Variants in SPIDR observed in about 807,000 individuals in gnomAD.
The protein encoded by SPIDR is scaffold protein involved in DNA repair, also known as DNA repair-scaffolding protein.
In SPIDR, 93 loss-of-function variants were observed where a neutral mutation model predicts 104.6. That is an observed-to-expected ratio of 0.89 (90% CI 0.75 to 1.06). The LOEUF (loss-of-function observed/expected upper bound fraction) is 1.06, where lower values mean the gene tolerates loss of function less well. Among genes scored for constraint, SPIDR ranks in the 50% least tolerant of loss-of-function variants. SPIDR has a pLI of 0.00. For missense variants in SPIDR, 1,154 were observed against 1,111.2 expected, an observed-to-expected ratio of 1.04 and a Z score of -0.55; for synonymous variants, 431 against 416.9, an observed-to-expected ratio of 1.03 and a Z score of -0.41.
intron 4 of SPIDR, among the ~76,000 whole-genome samples, chr8:47,292,104 A>G (rs1231946864): frequency 6.6e-6 from 1 of 152,220 alleles, no homozygotes; most frequent in African/African-American, 2.4e-5. Flanking sequence ...CCTAGTTGAT[A>G]ACCACAGATG....
At chr8:47,667,487 C>T (rs563558008) in intron 10 of SPIDR, among the ~76,000 whole-genome samples, 1 of 148,928 alleles carries the variant, frequency 6.7e-6, no homozygotes, top group African/African-American at 2.5e-5. Flanking sequence ...TGGCATGTGC[C>T]TGTAGTCCTA....
intron 2 of SPIDR, among the ~76,000 whole-genome samples, chr8:47,280,922 AG>A (rs1424579079): frequency 2.6e-5 from 4 of 152,214 alleles, no homozygotes; most frequent in African/African-American, 9.6e-5. Context: ...TGTTCTCAGA[AG>A]ATGAAACCAT....
intron 9 of SPIDR, among the ~76,000 whole-genome samples, chr8:47,598,319 T>G (rs533526135): frequency 4.9e-4 from 75 of 152,196 alleles, no homozygotes; most frequent in Non-Finnish European, 8.4e-4. Flanking sequence ...ATGTCTCAGT[T>G]TTCTTATCTG....
chr8:47,262,991 CT>C (rs2154209100), intron 1 of SPIDR, among the ~76,000 whole-genome samples: 1 of 152,272 alleles, frequency 6.6e-6, no homozygotes, highest in Admixed American at 6.5e-5. Context: ...TCATAATTTA[CT>C]GCAGAACTTA....
At chr8:47,446,003 G>A (rs1403409396) in intron 8 of SPIDR, among the ~76,000 whole-genome samples, 14 of 152,344 alleles carry the variant, frequency 9.2e-5, no homozygotes, top group Admixed American at 7.8e-4. Flanking sequence ...TGCTGACAGA[G>A]AAACTGCAGC....
intron 1 of SPIDR, among the ~76,000 whole-genome samples, chr8:47,277,669 CTTTTTTT>C (rs1209041690): frequency 1.8e-5 from 2 of 110,506 alleles, no homozygotes; most frequent in African/African-American, 7.0e-5. Flanking sequence ...TGTTTAACCT[CTTTTTTT>C]TTTTTTTTTT....
At chr8:47,284,516 C>T (rs2038432855) in intron 3 of SPIDR, among the ~76,000 whole-genome samples, 1 of 152,120 alleles carries the variant, frequency 6.6e-6, no homozygotes, top group South Asian at 2.1e-4. Flanking sequence ...AGGGAACTTT[C>T]AATAAGTAGT....
chr8:47,405,320 G>T (rs1032470867), intron 6 of SPIDR, among the ~76,000 whole-genome samples: 1 of 151,188 alleles, frequency 6.6e-6, no homozygotes, highest in Non-Finnish European at 1.5e-5. Flanking sequence ...GTGTGTGTGT[G>T]TGTATATATG....
In SPIDR at chr8:47,672,849, CT is replaced by C. The variant is rs1245022436; in HGVS notation, c.1545-945del. ...TGAACTAGCAATCCAAGTAAAGGTGCTTTTTTTCAGACAGGATATATTTCTG... is the reference window on the plus strand; with the variant it reads ...TGAACTAGCAATCCAAGTAAAGGTGCTTTTTTCAGACAGGATATATTTCTG... On this transcript the variant is annotated intron_variant, in intron 10 of 19. Transcript: ENST00000297423. Among the ~76,000 whole-genome samples the C allele has an allele frequency of 2.0e-5, 3 of 152,132 alleles. No homozygotes were observed. The South Asian group carries it at 6.2e-4, about 32-fold the overall frequency.
At chr8:47,337,641 A>G (rs1342984426) in intron 5 of SPIDR, among the ~76,000 whole-genome samples, 7 of 149,100 alleles carry the variant, frequency 4.7e-5, no homozygotes, top group Non-Finnish European at 8.9e-5. Flanking sequence ...GTAAGAAACC[A>G]TTGTTTAAAA....
chr8:47,492,725 G>A (rs777412662), intron 8 of SPIDR, among the ~76,000 whole-genome samples: 30 of 152,088 alleles, frequency 2.0e-4, no homozygotes, highest in Non-Finnish European at 3.7e-4. Flanking sequence ...ACGTCTGGCC[G>A]TATTGCTCGT....
At chr8:47,631,752 A>G (rs1486973784) in intron 10 of SPIDR, among the ~76,000 whole-genome samples, 1 of 152,256 alleles carries the variant, frequency 6.6e-6, no homozygotes, top group East Asian at 1.9e-4. Flanking sequence ...AGTGAAATAC[A>G]GCTCCTTAAT....
chr8:47,309,558 G>C (rs1424206794), intron 5 of SPIDR, among the ~76,000 whole-genome samples: 7 of 152,174 alleles, frequency 4.6e-5, no homozygotes, highest in African/African-American at 1.7e-4. Flanking sequence ...GAGTTTGTCA[G>C]ATTGTTCCTT....
intron 5 of SPIDR, among the ~76,000 whole-genome samples, chr8:47,372,433 T>C (rs2058145621): frequency 6.6e-6 from 1 of 152,144 alleles, no homozygotes; most frequent in South Asian, 2.1e-4. Context: ...GAGACCAGCC[T>C]GACCAACATG....
At position 47,685,517 on chromosome 8, in the gene SPIDR, A is replaced by ATTTTATTT. The variant is rs1554577045; in HGVS notation, c.1685+11580_1685+11581insATTTTTTT. Among the ~76,000 whole-genome samples the ATTTTATTT allele has an allele frequency of 2.3e-5, 3 of 130,098 alleles. No homozygotes were observed. The South Asian group carries it at 7.0e-4, about 30-fold the overall frequency. 85.3% of individuals were successfully genotyped at this position (130,098 alleles called of 152,430 possible). On this transcript the variant is annotated intron_variant, in intron 11 of 19. Transcript: ENST00000297423. ...TATTTATTTATTTATTTATTTATTT[A>ATTTTATTT]TTTTTTTGAGACAGTCTCTCTCTGT...
At chr8:47,402,229 C>T (rs782543162) in intron 6 of SPIDR, among the ~76,000 whole-genome samples, 1 of 152,124 alleles carries the variant, frequency 6.6e-6, no homozygotes, top group Non-Finnish European at 1.5e-5. Context: ...ATTTATAGCA[C>T]TAAATGCCCA....
chr8:47,267,107 G>A (rs1314080843), intron 1 of SPIDR, among the ~76,000 whole-genome samples: 1 of 152,038 alleles, frequency 6.6e-6, no homozygotes. Flanking sequence ...TGGACATACT[G>A]CATTTGAAAA....
intron 8 of SPIDR, among the ~76,000 whole-genome samples, chr8:47,477,211 T>C (rs1262101782): frequency 8.5e-5 from 13 of 152,124 alleles, no homozygotes; most frequent in Admixed American, 8.5e-4. Flanking sequence ...ATATATTTTT[T>C]TTTTTTGAGA....
intron 10 of SPIDR, among the ~76,000 whole-genome samples, chr8:47,637,896 G>T (rs2068212222): frequency 6.6e-6 from 1 of 152,126 alleles, no homozygotes; most frequent in South Asian, 2.1e-4. Flanking sequence ...TTGTTTGATG[G>T]TGGAGCAGTT....
Sources: allele counts gnomAD v4.1 joint callset (sites outside exome capture counted in the v4.1 genomes callset), GRCh38; gene constraint gnomAD v4.1.1; transcripts MANE v1.5; gene names NCBI Gene and HGNC (gene_info 2026-07-23, HGNC 2026-07-21).